Variants in TRPM1 observed in about 807,000 individuals in gnomAD.
The protein encoded by TRPM1 is transient receptor potential cation channel subfamily M member 1.
Under a neutral mutation model 149.4 loss-of-function variants are expected in TRPM1, and 113 were observed. The ratio of observed to expected loss-of-function variants is 0.76; its 90% CI spans 0.65 to 0.88. The LOEUF is 0.88. Ranked by LOEUF, TRPM1 falls within the 40% of genes least tolerant of loss-of-function variation. TRPM1 has a pLI of 0.00. For missense variants in TRPM1, 1,976 were observed against 2,038.7 expected (o/e 0.97, Z 0.59); for synonymous variants, 741 against 759.5 (o/e 0.98, Z 0.40).
At position 31,031,033 on chromosome 15, in the gene TRPM1, T is replaced by A. The variant is rs1035264419; in HGVS notation, c.3077A>T (p.Tyr1026Phe). ...PSWKLARNIF[Y>F]MPYWMIYGEV... ...TCCATAGATCATCCAGTAGGGCATG[T>A]AGAAGATGTTTCGGGCCAGTTTCCA... Residue 1026 changes from tyrosine to phenylalanine, a missense_variant, in exon 23 of 28, where the codon TAC becomes TTC. This residue lies in a region of TRPM1 where 1,332 missense variants were observed against 1,347.1 expected (regional missense o/e 0.99). Transcript: ENST00000256552. 2.5e-6 allele frequency: 4 copies of A among 1,614,100 alleles called. No homozygotes were observed. The highest frequency in any genetic ancestry group is 3.4e-6 in the Non-Finnish European group (4 of 1,180,040).
intron 11 of TRPM1, among the ~76,000 whole-genome samples, chr15:31,055,320 A>G (rs565255513): frequency 6.6e-6 from 1 of 152,306 alleles, no homozygotes; most frequent in South Asian, 2.1e-4. Context: ...TATGAAAAAG[A>G]AAAATCTATT....
intron 1 of TRPM1, among the ~76,000 whole-genome samples, chr15:31,086,100 C>T (rs780909355): frequency 5.3e-5 from 8 of 152,194 alleles, no homozygotes; most frequent in African/African-American, 1.9e-4. Context: ...TCACAGTGGT[C>T]ATAAACAAGG....
chr15:31,139,291 C>G (rs1375179445), intron 1 of TRPM1, among the ~76,000 whole-genome samples: 2 of 152,202 alleles, frequency 1.3e-5, no homozygotes, highest in Non-Finnish European at 2.9e-5. Flanking sequence ...CCACTCTTTT[C>G]TACCTTTTTA....
chr15:31,050,614 G>T lies in TRPM1; in HGVS notation c.1264-32C>A, dbSNP rs545704671. 30 of 1,613,028 alleles carry T rather than the reference G, an allele frequency of 1.9e-5. No individual in the cohort carries two copies. In the South Asian group the frequency reaches 2.9e-4, roughly 15 times the overall value. ...TCCACAGCAATCAGAGTTGGGAAAT[G>T]GTACTAAGGCTCTTTCTTGTCCCCA... On this transcript the variant is annotated intron_variant, in intron 11 of 27. Transcript: ENST00000256552.
intron 27 of TRPM1, among the ~76,000 whole-genome samples, chr15:31,016,198 T>C (rs1226838521): frequency 6.6e-6 from 1 of 152,214 alleles, no homozygotes; most frequent in East Asian, 1.9e-4. Context: ...TTGCGAAATT[T>C]TTCAAAATAA....
intron 1 of TRPM1, chr15:31,160,807 G>A: frequency 7.4e-7 from 1 of 1,352,324 alleles, no homozygotes; most frequent in Non-Finnish European, 1.0e-6. Context: ...GGGAGGACAG[G>A]ACCCGCTGGG....
chr15:31,079,451 C>G (rs1051613793), intron 2 of TRPM1, among the ~76,000 whole-genome samples: 2 of 152,240 alleles, frequency 1.3e-5, no homozygotes, highest in Admixed American at 1.3e-4. Flanking sequence ...CCCTTAACTC[C>G]TTGCCAGGGA....
At chr15:31,023,511 C>G (rs1021300217) in intron 27 of TRPM1, among the ~76,000 whole-genome samples, 5 of 152,040 alleles carry the variant, frequency 3.3e-5, no homozygotes, top group African/African-American at 1.2e-4. Flanking sequence ...ATGGAGAGCT[C>G]AGGTAGGGGC....
intron 1 of TRPM1, among the ~76,000 whole-genome samples, chr15:31,112,045 A>G (rs1423672919): frequency 1.3e-5 from 2 of 152,258 alleles, no homozygotes; most frequent in African/African-American, 4.8e-5. Flanking sequence ...AGTCTGAAAC[A>G]CAGGCCAAGG....
intron 1 of TRPM1, among the ~76,000 whole-genome samples, chr15:31,119,142 G>T (rs2035842234): frequency 1.3e-5 from 2 of 152,080 alleles, no homozygotes; most frequent in Admixed American, 1.3e-4. Context: ...TCGGGAGGCT[G>T]AGGCAGGAGA....
intron 27 of TRPM1, among the ~76,000 whole-genome samples, chr15:31,016,311 A>C (rs906814356): frequency 3.3e-5 from 5 of 152,234 alleles, no homozygotes; most frequent in Non-Finnish European, 5.9e-5. Flanking sequence ...AGCACTAATA[A>C]ATGATTTCTT....
intron 1 of TRPM1, among the ~76,000 whole-genome samples, chr15:31,147,174 C>G (rs1211663422): frequency 6.6e-6 from 1 of 152,146 alleles, no homozygotes; most frequent in Non-Finnish European, 1.5e-5. Flanking sequence ...AAACTAGATT[C>G]GTTGTCATTT....
Position 31,035,547 on chromosome 15 carries a change from T to C in TRPM1, c.2699A>G (p.Glu900Gly), listed in dbSNP as rs1447123985. The change falls in exon 21 of 28, where the codon GAG becomes GGG. Residue 900 changes from glutamate to glycine, a missense_variant and splice_region_variant. Physicochemically the swap from Glu to Gly is moderately conservative, Grantham distance 98 (BLOSUM62 -2). Around this residue, in one of 3 missense-constraint regions of TRPM1, gnomAD observed 1,332 missense variants for 1,347.1 expected, o/e 0.99. Transcript: ENST00000256552. The stretch of plus-strand genomic sequence containing the variant: ...GGGGGAGGCCTTTGGAGTAGCCACC[T>C]CTCGTATCTTCTCTAACGCCAGGCT... ...IVSLALEKIREILMSEPGKLS... is the reference protein window; with the variant it reads ...IVSLALEKIRGILMSEPGKLS... The C allele has an allele frequency of 1.2e-6, 2 of 1,614,120 alleles. No individual in the cohort carries two copies. The highest frequency in any genetic ancestry group is 2.2e-5 in the South Asian group (2 of 91,082).
chr15:31,134,960 C>T (rs144400379), intron 1 of TRPM1, among the ~76,000 whole-genome samples: 2,514 of 152,036 alleles, frequency 0.017, 83 homozygotes, highest in African/African-American at 0.058. Flanking sequence ...GAGCCAAGAT[C>T]GTACTCCAGC....
rs1209323160 is a variant in TRPM1, at chr15:31,112,243, C to T, written c.55-35259G>A. Among the ~76,000 whole-genome samples the T allele has an allele frequency of 4.6e-5, 7 of 152,058 alleles. No individual in the cohort carries two copies. In the East Asian group the frequency reaches 9.6e-4, roughly 21 times the overall value. On this transcript the variant is annotated intron_variant, in intron 1 of 26. Transcript: ENST00000542188. ...TCATGCCTGTAATCCCTTTAGGAGG[C>T]CGAGGTGGGTGGATCACCTGAGGTT...
In TRPM1 at chr15:31,026,928, C is replaced by G; in HGVS notation, c.3483G>C (p.Arg1161=). 1 of 1,613,952 alleles carries G rather than the reference C, an allele frequency of 6.2e-7. No homozygotes were observed. The highest frequency in any genetic ancestry group is 8.5e-7 in the Non-Finnish European group (1 of 1,179,992). The part of the protein sequence containing the change: ...RKKREGDQEE[R]DRGLKLFLSD... ...CCCTGCACATACTCAATCCACGATCCCGTTCCTCTTGGTCCCCTTCTCTCT... is the reference window on the plus strand; with the variant it reads ...CCCTGCACATACTCAATCCACGATCGCGTTCCTCTTGGTCCCCTTCTCTCT... Residue 1161 remains arginine (R), a synonymous_variant, in exon 26 of 28, where the codon CGG becomes CGC. Transcript: ENST00000256552.
intron 11 of TRPM1, among the ~76,000 whole-genome samples, chr15:31,054,541 C>T (rs539051246): frequency 6.6e-6 from 1 of 152,110 alleles, no homozygotes; most frequent in Non-Finnish European, 1.5e-5. Flanking sequence ...GTGATCCACC[C>T]GCCTCAGCCT....
In TRPM1 at chr15:31,038,140, G is replaced by A; in HGVS notation, c.2343C>T (p.Pro781=). 6.2e-7 allele frequency: 1 copy of A among 1,613,596 alleles called. No individual in the cohort carries two copies. Among genetic ancestry groups the A allele is most frequent in the South Asian group, 1.1e-5 (1 of 91,038 alleles). ...LKVIMGILLP[P]TILFLEFRTY... ...TGCGAAATTCCAAAAACAAGATGGT[G>A]GGGGGTAGAAGAATCCCCATGATAA... Residue 781 remains proline (P), a synonymous_variant, in exon 19 of 28, where the codon CCC becomes CCT. Transcript: ENST00000256552.
chr15:31,111,346 G>A (rs1388346364), intron 1 of TRPM1, among the ~76,000 whole-genome samples: 1 of 152,186 alleles, frequency 6.6e-6, no homozygotes, highest in East Asian at 1.9e-4. Context: ...CCTTTGCTGG[G>A]ACCTAATGGA....
Sources: allele counts gnomAD v4.1 joint callset (sites outside exome capture counted in the v4.1 genomes callset), GRCh38; gene constraint gnomAD v4.1.1; regional missense constraint gnomAD v4.1.1; transcripts MANE v1.5; gene names NCBI Gene and HGNC (gene_info 2026-07-23, HGNC 2026-07-21).